Variants in LGSN observed in about 807,000 individuals in gnomAD.
LGSN encodes lengsin, lens protein with glutamine synthetase domain, also known as lengsin.
In LGSN, 21 loss-of-function variants were observed where a neutral mutation model predicts 19.5. That is an observed-to-expected ratio of 1.07 (90% CI 0.76 to 1.55). The LOEUF (loss-of-function observed/expected upper bound fraction) is 1.55, where lower values mean the gene tolerates loss of function less well. LGSN is among the 40% of genes most tolerant of loss of function. The probability of loss-of-function intolerance (pLI) is 0.00; values close to 1 mark genes in which losing one functional copy is unlikely to be tolerated. For synonymous variants in LGSN, 257 were observed against 215.6 expected (o/e 1.19, Z -1.68); for missense variants, 673 against 608.5 (o/e 1.11, Z -1.12).
the LGSN span, among the ~76,000 whole-genome samples, chr6:63,557,539 CT>C: frequency 1.3e-5 from 2 of 152,112 alleles, no homozygotes; most frequent in South Asian, 4.1e-4. Flanking sequence ...ACACTCCAGC[CT>C]GGGCTACAGA....
In LGSN at chr6:63,280,206, G is replaced by C. The variant is rs201490688; in HGVS notation, c.1345C>G (p.Gln449Glu). The change falls in exon 4 of 4, where the codon CAA becomes GAA. Residue 449 changes from glutamine to glutamate, a missense_variant. By Grantham distance (29) the Gln-to-Glu change is conservative. Transcript: ENST00000370657. ...AGPDESTDFY[Q>E]VEPSEIPLKL... The stretch of plus-strand genomic sequence containing the variant: ...AAAGGGATCTCAGAAGGTTCCACTT[G>C]GTAAAAGTCTGTGCTCTCATCTGGA... 259 of 1,614,052 alleles carry C rather than the reference G, an allele frequency of 1.6e-4. No homozygotes were observed. Among genetic ancestry groups the C allele is most frequent in the South Asian group, 5.4e-4 (49 of 91,082 alleles).
the LGSN span, among the ~76,000 whole-genome samples, chr6:63,455,149 C>T: frequency 6.6e-6 from 1 of 152,202 alleles, no homozygotes; most frequent in East Asian, 1.9e-4. Flanking sequence ...ATAGAACCAA[C>T]TGGATCTCAG....
chr6:63,340,423 G>A, the LGSN span, among the ~76,000 whole-genome samples: 1 of 152,048 alleles, frequency 6.6e-6, no homozygotes, highest in Non-Finnish European at 1.5e-5. Context: ...ACCTTTTGGT[G>A]TCCTACATGT....
At chr6:63,294,820 C>G in intron 2 of LGSN, 93 bp downstream of exon 2, 1 of 1,314,558 alleles carries the variant, frequency 7.6e-7, no homozygotes. Flanking sequence ...TTGCTTCTCC[C>G]AAAAAAGAAA....
the LGSN span, among the ~76,000 whole-genome samples, chr6:63,516,825 T>G: frequency 1.3e-5 from 2 of 152,174 alleles, no homozygotes; most frequent in African/African-American, 4.8e-5. Context: ...AATATGGACA[T>G]GAAGGCAGAA....
At chr6:63,487,060 C>T in the LGSN span, among the ~76,000 whole-genome samples, 670 of 152,130 alleles carry the variant, frequency 4.4e-3, 1 homozygote, top group Admixed American at 8.7e-3. Flanking sequence ...GTCTCAAACT[C>T]CTGACTTCAA....
the LGSN span, chr6:63,396,378 A>G: frequency 8.7e-6 from 2 of 230,478 alleles, no homozygotes; most frequent in Non-Finnish European, 8.9e-6. Flanking sequence ...ACTGTCCAGA[A>G]TCTCACTCAA....
chr6:63,366,622 G>C, the LGSN span, among the ~76,000 whole-genome samples: 1 of 151,968 alleles, frequency 6.6e-6, no homozygotes. Context: ...AAAAGAGCCC[G>C]CATTGCCAAG....
At chr6:63,342,614 A>G in the LGSN span, among the ~76,000 whole-genome samples, 1 of 152,234 alleles carries the variant, frequency 6.6e-6, no homozygotes, top group Admixed American at 6.5e-5. Context: ...TACCAAAGAG[A>G]AAATTGCTCA....
At chr6:63,505,940 C>T in the LGSN span, among the ~76,000 whole-genome samples, 6 of 151,814 alleles carry the variant, frequency 4.0e-5, no homozygotes, top group Admixed American at 6.6e-5. Flanking sequence ...TGAGCCACTG[C>T]GCCCAGCCGT....
the LGSN span, among the ~76,000 whole-genome samples, chr6:63,430,470 C>T: frequency 1.3e-5 from 2 of 152,102 alleles, no homozygotes; most frequent in Non-Finnish European, 2.9e-5. Flanking sequence ...CTCACTGCAA[C>T]CTCCGTCTCG....
intron 3 of LGSN, among the ~76,000 whole-genome samples, chr6:63,281,620 A>C (rs925999401): frequency 1.1e-4 from 16 of 152,090 alleles, no homozygotes; most frequent in Non-Finnish European, 2.1e-4. Flanking sequence ...AATTCTTCAG[A>C]TAAGGCTTTC....
the LGSN span, among the ~76,000 whole-genome samples, chr6:63,535,328 T>G: frequency 6.6e-6 from 1 of 151,960 alleles, no homozygotes; most frequent in East Asian, 1.9e-4. Flanking sequence ...AAGCCAGGCA[T>G]AGTGGCATGC....
At chr6:63,433,615 C>G in the LGSN span, among the ~76,000 whole-genome samples, 2 of 152,140 alleles carry the variant, frequency 1.3e-5, no homozygotes, top group Non-Finnish European at 2.9e-5. Flanking sequence ...ACTACTTTTG[C>G]CAATTGAAAT....
At chr6:63,520,178 TTAACTTC>T in the LGSN span, among the ~76,000 whole-genome samples, 5 of 152,366 alleles carry the variant, frequency 3.3e-5, no homozygotes, top group South Asian at 6.2e-4. Context: ...CATCCTTTTT[TTAACTTC>T]AGTCTTCATT....
At chr6:63,544,065 A>T in the LGSN span, among the ~76,000 whole-genome samples, 3 of 152,198 alleles carry the variant, frequency 2.0e-5, no homozygotes, top group East Asian at 5.8e-4. Flanking sequence ...CATGTAGAGG[A>T]GTTTCCTTTT....
chr6:63,418,920 C>G, the LGSN span, among the ~76,000 whole-genome samples: 5 of 152,122 alleles, frequency 3.3e-5, no homozygotes, highest in African/African-American at 1.2e-4. Flanking sequence ...TCCCTCTTCA[C>G]AGCATGAGGG....
At chr6:63,427,708 T>C in the LGSN span, among the ~76,000 whole-genome samples, 2 of 152,192 alleles carry the variant, frequency 1.3e-5, no homozygotes, top group Admixed American at 1.3e-4. Context: ...TTTCTCCTTG[T>C]GGGTAGTTTA....
chr6:63,283,989 T>G (rs911417939), intron 3 of LGSN, among the ~76,000 whole-genome samples: 1 of 152,190 alleles, frequency 6.6e-6, no homozygotes, highest in African/African-American at 2.4e-5. Flanking sequence ...CATGAGCCAC[T>G]GTGCCCGGCC....
Sources: gnomAD v4.1 joint callset for allele counts (sites outside exome capture counted in the v4.1 genomes callset) on GRCh38, gnomAD v4.1.1 for gene constraint, MANE v1.5 for transcripts, NCBI Gene and HGNC (gene_info 2026-07-23, HGNC 2026-07-21) for gene names.